Variants in SEC23IP observed in about 807,000 individuals in gnomAD.
SEC23IP encodes the protein SEC23 interacting protein, also known as SEC23-interacting protein.
Under a neutral mutation model 113.4 loss-of-function variants are expected in SEC23IP, and 70 were observed. The ratio of observed to expected loss-of-function variants is 0.62; its 90% CI spans 0.51 to 0.75. SEC23IP has a LOEUF of 0.75. SEC23IP is among the 30% of genes least tolerant of loss of function. The probability of loss-of-function intolerance (pLI) is 0.00; values close to 1 mark genes in which losing one functional copy is unlikely to be tolerated. For missense variants in SEC23IP, 1,160 were observed against 1,204.9 expected (o/e 0.96, Z 0.55); for synonymous variants, 398 against 421.0 (o/e 0.95, Z 0.67).
intron 12 of SEC23IP, among the ~76,000 whole-genome samples, chr10:119,923,624 C>CT (rs2134508281): frequency 6.6e-6 from 1 of 151,800 alleles, no homozygotes; most frequent in Admixed American, 6.6e-5. Flanking sequence ...TCTCGGCTCA[C>CT]TGCAACCTCT....
At chr10:119,907,788 T>G (rs1854726057) in intron 4 of SEC23IP, among the ~76,000 whole-genome samples, 1 of 152,068 alleles carries the variant, frequency 6.6e-6, no homozygotes, top group Admixed American at 6.5e-5. Flanking sequence ...TTGTCTCTAC[T>G]AAAAATAGAA....
intron 4 of SEC23IP, among the ~76,000 whole-genome samples, chr10:119,905,375 G>C (rs537786482): frequency 6.8e-4 from 104 of 152,276 alleles, no homozygotes; most frequent in African/African-American, 2.4e-3. Flanking sequence ...AGTCCAAGCA[G>C]TGTCTGAAAG....
Position 119,943,058 on chromosome 10 carries a change from G to C in SEC23IP, c.*2493G>C, listed in dbSNP as rs770179622. The stretch of plus-strand genomic sequence containing the variant: ...TTATCCCAGAAAACCTAGGATGATT[G>C]GTATTTATAGTACCATTGTTTCAGG... On this transcript the variant is annotated 3_prime_UTR_variant, in exon 19 of 19. Coordinates refer to ENST00000369075, the MANE Select transcript of SEC23IP (RefSeq NM_007190.4). 1.3e-5 allele frequency: 2 copies of C among 152,008 alleles called. No homozygotes were observed. Among genetic ancestry groups the C allele is most frequent in the Non-Finnish European group, 2.9e-5 (2 of 67,992 alleles). 9.4% of individuals were successfully genotyped at this position (152,008 alleles called of 1,614,324 possible).
In SEC23IP at chr10:119,898,653, G is replaced by A. The variant is rs201913734; in HGVS notation, c.390G>A (p.Ser130=). Residue 130 remains serine, a synonymous_variant, in exon 2 of 19, where the codon TCG becomes TCA. Transcript: ENST00000369075. ...TTACAACTGGATCCCAAGATGTCTC[G>A]AATGCATTTTCACCATCCATTTCGA... ...LPFTTGSQDV[S]NAFSPSISKA... 215 of 1,614,134 alleles carry A rather than the reference G, an allele frequency of 1.3e-4. No homozygotes were observed. In the Admixed American group the frequency reaches 3.1e-3, roughly 23 times the overall value.
Position 119,944,613 on chromosome 10 carries a change from G to A in SEC23IP, c.*4048G>A, listed in dbSNP as rs1003202599. 3.9e-5 allele frequency: 6 copies of A among 152,236 alleles called. No homozygotes were observed. Among genetic ancestry groups the A allele is most frequent in the African/African-American group, 1.2e-4 (5 of 41,464 alleles). 9.4% of individuals were successfully genotyped at this position (152,236 alleles called of 1,614,324 possible). A position where few individuals can be genotyped will look rare whatever the true frequency, so the allele number is the denominator to read the frequency against. Reference sequence around the variant, plus strand: ...GCACGAAATGCAGAGAGAGAGCTATGTGAATGTGTTGAGTGTGATTTTCAT... The same window carrying A: ...GCACGAAATGCAGAGAGAGAGCTATATGAATGTGTTGAGTGTGATTTTCAT... On this transcript the variant is annotated 3_prime_UTR_variant, in exon 19 of 19. Coordinates refer to ENST00000369075, the MANE Select transcript of SEC23IP (RefSeq NM_007190.4).
intron 9 of SEC23IP, 75 bp downstream of exon 9, chr10:119,918,119 G>A: frequency 8.5e-7 from 1 of 1,176,896 alleles, no homozygotes; most frequent in Admixed American, 2.1e-5. Context: ...AGGTGATATT[G>A]TTAGTGCAAA....
chr10:119,914,779 A>G lies in SEC23IP; in HGVS notation c.1362A>G (p.Gly454=), dbSNP rs759443290. ...DHLVFVVHGI[G]PVCDLRFRSI... ...TGGTGTTTGTGGTGCATGGCATTGG[A>G]CCTGTGTGTGACTTACGCTTTAGGA... is the stretch of plus-strand genomic sequence containing the variant. The change falls in exon 7 of 19, where the codon GGA becomes GGG. Residue 454 remains glycine (G), a synonymous_variant. Coordinates refer to ENST00000369075, the MANE Select transcript of SEC23IP (RefSeq NM_007190.4). 6.8e-6 allele frequency: 11 copies of G among 1,614,074 alleles called. No homozygotes were observed. The South Asian group carries it at 9.9e-5, about 15-fold the overall frequency.
intron 6 of SEC23IP, among the ~76,000 whole-genome samples, chr10:119,914,092 G>A (rs1298567951): frequency 1.3e-5 from 2 of 152,104 alleles, no homozygotes; most frequent in Non-Finnish European, 2.9e-5. Context: ...CCCGGGAGGC[G>A]GAGGTTGCAG....
At chr10:119,904,322 G>C in intron 4 of SEC23IP, 45 bp downstream of exon 4, 1 of 1,518,364 alleles carries the variant, frequency 6.6e-7, no homozygotes, top group Non-Finnish European at 9.1e-7. Context: ...AAAAATGTAG[G>C]TCCTATATAC....
rs1027206234 is a variant in SEC23IP, at chr10:119,936,926, C to T, written c.*20+3139C>T. ...TTTTTAAGACGGAGTCTTGCTTTGT[C>T]GCCCAGGCTGTAGTGCAGTGGCGTG... On this transcript the variant is annotated intron_variant, in intron 18 of 18. Transcript: ENST00000369075. Among the ~76,000 whole-genome samples, 5 of 150,986 alleles carry T rather than the reference C, an allele frequency of 3.3e-5. No individual in the cohort carries two copies. The East Asian group carries it at 5.9e-4, about 18-fold the overall frequency.
At chr10:119,919,688 T>G in intron 11 of SEC23IP, 92 bp downstream of exon 11, 4 of 984,888 alleles carry the variant, frequency 4.1e-6, no homozygotes, top group Non-Finnish European at 2.9e-6. Context: ...CAAAATACAC[T>G]CCAGAGTAGA....
At chr10:119,936,543 CAAAAAAAA>C (rs35075710) in intron 18 of SEC23IP, among the ~76,000 whole-genome samples, 9 of 76,840 alleles carry the variant, frequency 1.2e-4, no homozygotes, top group African/African-American at 3.7e-4. Context: ...GATTCCGTCT[CAAAAAAAA>C]AAAAAAAAAA....
At chr10:119,925,273 A>G (rs1855382401) in intron 12 of SEC23IP, among the ~76,000 whole-genome samples, 1 of 152,096 alleles carries the variant, frequency 6.6e-6, no homozygotes, top group Non-Finnish European at 1.5e-5. Flanking sequence ...CACTCTTCTG[A>G]TTTCCTTCAA....
At chr10:119,935,938 G>A (rs181896673) in intron 18 of SEC23IP, among the ~76,000 whole-genome samples, 26 of 152,272 alleles carry the variant, frequency 1.7e-4, no homozygotes, top group South Asian at 1.5e-3. Context: ...GAGTGACCTC[G>A]TTCTTTTTAG....
At chr10:119,925,396 A>G (rs1473134071) in intron 12 of SEC23IP, among the ~76,000 whole-genome samples, 1 of 152,180 alleles carries the variant, frequency 6.6e-6, no homozygotes, top group Non-Finnish European at 1.5e-5. Context: ...AATGAGAGCC[A>G]ATACTTCTGC....
Position 119,898,498 on chromosome 10 carries a change from A to G in SEC23IP, c.235A>G (p.Thr79Ala), listed in dbSNP as rs756264316. The change falls in exon 2 of 19, where the codon ACA becomes GCA. Residue 79 changes from threonine to alanine, a missense_variant. Physicochemically the swap from Thr to Ala is moderately conservative, Grantham distance 58. Transcript: ENST00000369075. Reference protein sequence around the residue: ...QTSIHTSAPQTFSYFSQVSSS... With the variant: ...QTSIHTSAPQAFSYFSQVSSS... ...TTCTATTCACACATCTGCCCCACAG[A>G]CATTTAGTTACTTCTCTCAGGTATC... is the stretch of plus-strand genomic sequence containing the variant. 6.2e-7 allele frequency: 1 copy of G among 1,614,084 alleles called. No homozygotes were observed. Among genetic ancestry groups the G allele is most frequent in the Non-Finnish European group, 8.5e-7 (1 of 1,180,018 alleles).
At chr10:119,903,078 A>G in intron 3 of SEC23IP, 69 bp downstream of exon 3, 1 of 1,291,258 alleles carries the variant, frequency 7.7e-7, no homozygotes, top group African/African-American at 1.5e-5. Flanking sequence ...TTTATTCATG[A>G]TCTATTTTCT....
chr10:119,895,833 C>T (rs1854265614), intron 1 of SEC23IP, among the ~76,000 whole-genome samples: 1 of 152,192 alleles, frequency 6.6e-6, no homozygotes, highest in African/African-American at 2.4e-5. Flanking sequence ...CCCCTGTGTC[C>T]TCTGCCCCCA....
chr10:119,904,048 G>A, intron 3 of SEC23IP, 36 bp from the exon 4 acceptor site: 1 of 1,603,554 alleles, frequency 6.2e-7, no homozygotes, highest in Non-Finnish European at 8.5e-7. Context: ...AATATGCCTT[G>A]CAGCAGTTAG....
Sources: allele counts gnomAD v4.1 joint callset (sites outside exome capture counted in the v4.1 genomes callset), GRCh38; gene constraint gnomAD v4.1.1; transcripts MANE v1.5; gene names NCBI Gene and HGNC (gene_info 2026-07-23, HGNC 2026-07-21).